DGKI: variants seen among roughly 807,000 people sequenced by gnomAD.
The protein encoded by DGKI is DAG kinase iota.
A neutral mutation model predicts 147.5 loss-of-function variants in DGKI; 55 were observed. The observed-to-expected ratio is 0.37, with a 90% CI of 0.30 to 0.47. The LOEUF (loss-of-function observed/expected upper bound fraction) is 0.47. DGKI is among the 20% of genes least tolerant of loss of function. The pLI is 1.00. For missense variants in DGKI, 1,007 were observed against 1,323.8 expected (o/e 0.76, Z 3.71); for synonymous variants, 469 against 477.1 (o/e 0.98, Z 0.22).
intron 1 of DGKI, among the ~76,000 whole-genome samples, chr7:137,766,817 G>T (rs924436958): frequency 4.6e-5 from 7 of 152,156 alleles, no homozygotes; most frequent in African/African-American, 1.7e-4. Context: ...CCCACAATGA[G>T]ATCTTTCTGT....
intron 19 of DGKI, among the ~76,000 whole-genome samples, chr7:137,560,692 G>A (rs1429951982): frequency 1.3e-5 from 2 of 152,148 alleles, no homozygotes; most frequent in African/African-American, 2.4e-5. Context: ...AAAAATTAGG[G>A]TCTAGAGAAT....
chr7:137,716,557 T>C (rs999844656), intron 1 of DGKI, among the ~76,000 whole-genome samples: 1 of 152,188 alleles, frequency 6.6e-6, no homozygotes, highest in African/African-American at 2.4e-5. Flanking sequence ...ATGAAATCAC[T>C]ATTCTCTCAA....
intron 23 of DGKI, among the ~76,000 whole-genome samples, chr7:137,483,827 T>G (rs1027517173): frequency 3.3e-5 from 5 of 152,150 alleles, no homozygotes; most frequent in Non-Finnish European, 7.4e-5. Flanking sequence ...GTACCACACT[T>G]TCTTTATCCA....
chr7:137,670,073 G>T (rs1822788768), intron 3 of DGKI, among the ~76,000 whole-genome samples: 1 of 152,096 alleles, frequency 6.6e-6, no homozygotes, highest in Admixed American at 6.5e-5. Context: ...GGACCTATTT[G>T]CATATTAAAG....
intron 23 of DGKI, among the ~76,000 whole-genome samples, chr7:137,481,731 C>T (rs776258279): frequency 6.6e-6 from 1 of 152,056 alleles, no homozygotes; most frequent in Non-Finnish European, 1.5e-5. Flanking sequence ...TGCCACATGG[C>T]TCACTAATAA....
At chr7:137,421,462 G>A (rs942657580) in intron 28 of DGKI, among the ~76,000 whole-genome samples, 3 of 152,140 alleles carry the variant, frequency 2.0e-5, no homozygotes, top group Non-Finnish European at 2.9e-5. Context: ...TATTAGCATG[G>A]AAGAGATTTC....
chr7:137,564,609 T>A (rs1338566455), intron 19 of DGKI, among the ~76,000 whole-genome samples: 1 of 152,216 alleles, frequency 6.6e-6, no homozygotes, highest in Admixed American at 6.5e-5. Context: ...AATAAACTTA[T>A]CCTTACTCTC....
intron 6 of DGKI, among the ~76,000 whole-genome samples, chr7:137,624,706 A>G (rs1345271810): frequency 1.3e-5 from 2 of 151,674 alleles, no homozygotes; most frequent in African/African-American, 4.8e-5. Flanking sequence ...CCGGGTTCAC[A>G]CCATTCTCCT....
At chr7:137,647,817 C>T (rs116457555) in intron 5 of DGKI, among the ~76,000 whole-genome samples, 2,980 of 152,306 alleles carry the variant, frequency 0.02, 83 homozygotes, top group African/African-American at 0.064. Flanking sequence ...CCAGAGCCAG[C>T]TGCCAACTGC....
intron 19 of DGKI, among the ~76,000 whole-genome samples, chr7:137,567,271 A>AC (rs1818620331): frequency 6.6e-6 from 1 of 152,026 alleles, no homozygotes; most frequent in Non-Finnish European, 1.5e-5. Flanking sequence ...TCTCAAAAAA[A>AC]AAAAAAAGAG....
intron 1 of DGKI, among the ~76,000 whole-genome samples, chr7:137,818,871 T>C (rs1430051515): frequency 6.6e-6 from 1 of 152,232 alleles, no homozygotes; most frequent in Non-Finnish European, 1.5e-5. Flanking sequence ...TCTATTTCCA[T>C]GTATGTTGAT....
Position 137,401,269 on chromosome 7 carries a change from C to T in DGKI, c.2921-3856G>A, listed in dbSNP as rs550691333. Among the ~76,000 whole-genome samples the T allele has an allele frequency of 2.0e-5, 3 of 152,078 alleles. No individual in the cohort carries two copies. The South Asian group carries it at 6.2e-4, about 32-fold the overall frequency. Reference sequence around the variant, plus strand: ...AAGACTAGTCAGGCACGGTGGTTCACGTCTGTAATCCCAGCACTTTGGGAC... The same window carrying T: ...AAGACTAGTCAGGCACGGTGGTTCATGTCTGTAATCCCAGCACTTTGGGAC... On this transcript the variant is annotated intron_variant, in intron 30 of 32. Coordinates refer to ENST00000614521, the MANE Select transcript of DGKI (RefSeq NM_001321708.2).
At chr7:137,471,392 A>C (rs2882644) in intron 23 of DGKI, among the ~76,000 whole-genome samples, 1,848 of 152,288 alleles carry the variant, frequency 0.012, 42 homozygotes, top group African/African-American at 0.042. Context: ...GGAATAACAT[A>C]GAAGAAGTAA....
chr7:137,751,446 C>A (rs1795487550), intron 1 of DGKI, among the ~76,000 whole-genome samples: 1 of 152,208 alleles, frequency 6.6e-6, no homozygotes, highest in African/African-American at 2.4e-5. Context: ...TTGGTGGCAT[C>A]TGACAAACAT....
intron 28 of DGKI, among the ~76,000 whole-genome samples, chr7:137,422,747 G>A (rs963897618): frequency 2.8e-4 from 43 of 151,604 alleles, no homozygotes; most frequent in Non-Finnish European, 5.0e-4. Flanking sequence ...TGGGACTACA[G>A]GCGCCCGCCA....
intron 1 of DGKI, among the ~76,000 whole-genome samples, chr7:137,778,180 T>C (rs971289495): frequency 1.3e-5 from 2 of 152,184 alleles, no homozygotes; most frequent in Non-Finnish European, 2.9e-5. Flanking sequence ...AATGAGTTGG[T>C]ACTTCGAGCT....
At chr7:137,549,894 A>G (rs990494362) in intron 20 of DGKI, among the ~76,000 whole-genome samples, 2 of 152,252 alleles carry the variant, frequency 1.3e-5, no homozygotes, top group Admixed American at 6.5e-5. Flanking sequence ...CAAACATTAC[A>G]TGATGACTAG....
intron 12 of DGKI, among the ~76,000 whole-genome samples, chr7:137,587,646 GATA>G (rs1338046015): frequency 2.0e-5 from 3 of 152,136 alleles, no homozygotes; most frequent in Admixed American, 6.5e-5. Context: ...TCAAAATGGG[GATA>G]ATAATACGTA....
chr7:137,701,772 T>C (rs1823992211), intron 1 of DGKI, among the ~76,000 whole-genome samples: 1 of 152,086 alleles, frequency 6.6e-6, no homozygotes, highest in Non-Finnish European at 1.5e-5. Flanking sequence ...CCCAAACTGA[T>C]ACTTAAAATC....
Sources: allele counts gnomAD v4.1 joint callset (sites outside exome capture counted in the v4.1 genomes callset), GRCh38; gene constraint gnomAD v4.1.1; transcripts MANE v1.5; gene names NCBI Gene and HGNC (gene_info 2026-07-23, HGNC 2026-07-21).